NUP214: variants seen among roughly 807,000 people sequenced by gnomAD.
The protein encoded by NUP214 is nucleoporin 214, also known as nuclear pore complex protein Nup214.
Under a neutral mutation model 196.2 loss-of-function variants are expected in NUP214, and 79 were observed. The ratio of observed to expected loss-of-function variants is 0.40; its 90% confidence interval spans 0.34 to 0.49. The LOEUF (loss-of-function observed/expected upper bound fraction) is 0.49, where lower values mean the gene tolerates loss of function less well. Among genes scored for constraint, NUP214 ranks in the 20% least tolerant of loss-of-function variants. NUP214 has a pLI of 0.58. For synonymous variants in NUP214, 1,020 were observed against 990.5 expected, an observed-to-expected ratio of 1.03 and a Z score of -0.56; for missense variants, 2,468 against 2,539.0, an observed-to-expected ratio of 0.97 and a Z score of 0.60.
chr9:131,168,830 A>G (rs1388420106), intron 21 of NUP214, among the ~76,000 whole-genome samples: 1 of 150,974 alleles, frequency 6.6e-6, no homozygotes, highest in Non-Finnish European at 1.5e-5. Context: ...TATTGAAAAG[A>G]CTCTCCTCCC....
At position 131,146,353 on chromosome 9, in the gene NUP214, T is replaced by A. The variant is rs1832087141; in HGVS notation, c.1945+49T>A. ...TAGACCTCAGCCCTGCCTTCTCAGA[T>A]TAACGGTTTTAAGTGTTAAGAGTCG... On this transcript the variant is annotated intron_variant, in intron 13 of 35. Transcript: ENST00000359428. This position sits in a 1 kb window ranked among gnomAD's most constrained non-coding sequence, Gnocchi z 4.6. The A allele has an allele frequency of 6.3e-7, 1 of 1,575,914 alleles. No homozygotes were observed. The highest frequency in any genetic ancestry group is 8.7e-7 in the Non-Finnish European group (1 of 1,148,278).
In NUP214 at chr9:131,193,629, CTTTTTTTTTTTTTTTTTTTTTTT is replaced by C. The variant is rs71389402; in HGVS notation, c.3659+1348_3659+1370del. 6.4e-4 allele frequency among the ~76,000 whole-genome samples: 18 copies of C among 28,218 alleles called. No homozygotes were observed. In the South Asian group the frequency reaches 0.032, roughly 50 times the overall value. The allele number at this position is 28,218 out of a possible 152,430, so 18.5% of individuals were successfully genotyped here. ...GTGAAATGATATTCTTCTTCCTTTT[CTTTTTTTTTTTTTTTTTTTTTTT>C]TTTTTTTTTTGGATTTTCAGGCAGA... On this transcript the variant is annotated intron_variant, in intron 27 of 35. Coordinates refer to ENST00000359428, the MANE Select transcript of NUP214 (RefSeq NM_005085.4).
At position 131,230,669 on chromosome 9, in the gene NUP214, C is replaced by T. The variant is rs753356114; in HGVS notation, c.6114C>T (p.Leu2038=). 9.3e-6 allele frequency: 15 copies of T among 1,613,970 alleles called. No homozygotes were observed. The highest frequency in any genetic ancestry group is 4.4e-5 in the South Asian group (4 of 91,080). The part of the protein sequence containing the change: ...SSSNTTSFGT[L]ASQNAPTFGS... ...GCAACACCACATCCTTCGGCACGCT[C>T]GCGAGTCAGAATGCCCCCACTTTCG... is the stretch of plus-strand genomic sequence containing the variant. Residue 2038 remains leucine, a synonymous_variant, in exon 34 of 36, where the codon CTC becomes CTT. Coordinates refer to ENST00000359428, the MANE Select transcript of NUP214 (RefSeq NM_005085.4).
chr9:131,164,954 G>A (rs2133560311), intron 21 of NUP214, among the ~76,000 whole-genome samples: 1 of 152,132 alleles, frequency 6.6e-6, no homozygotes, highest in East Asian at 1.9e-4. Flanking sequence ...AATGCTTTTG[G>A]TAATCAGAAT....
In NUP214 at chr9:131,135,344, A is replaced by G. The variant is rs115923201; in HGVS notation, c.938+340A>G. ...ACTGGCTTCCCAAAGTACTGAGATT[A>G]CAGGTGTGAGCTACCGCACCCAGCC... On this transcript the variant is annotated intron_variant, in intron 8 of 35. Transcript: ENST00000359428. 6.2e-3 allele frequency: 1,446 copies of G among 235,016 alleles called. 26 individuals carry two copies. The highest frequency in any genetic ancestry group is 0.03 in the African/African-American group (1,347 of 44,384). 14.6% of individuals were successfully genotyped at this position (235,016 alleles called of 1,614,324 possible).
At chr9:131,188,584 G>T (rs911362106) in intron 25 of NUP214, among the ~76,000 whole-genome samples, 1 of 152,226 alleles carries the variant, frequency 6.6e-6, no homozygotes, top group Admixed American at 6.5e-5. Flanking sequence ...GGAGGTATTT[G>T]TGTTCACCAT....
intron 30 of NUP214, among the ~76,000 whole-genome samples, chr9:131,207,352 G>A (rs537887655): frequency 6.6e-6 from 1 of 152,338 alleles, no homozygotes; most frequent in East Asian, 1.9e-4. Context: ...TGGAAGAAGG[G>A]AAGACTGGAG....
chr9:131,230,193 C>G (rs1834837637), intron 33 of NUP214: 1 of 180,252 alleles, frequency 5.5e-6, no homozygotes, highest in African/African-American at 2.4e-5. Context: ...AATGAAATGA[C>G]TTGGAAAAAG....
chr9:131,147,105 G>T lies in NUP214; in HGVS notation c.1946-385G>T, dbSNP rs557228882. Among the ~76,000 whole-genome samples, 24 of 152,070 alleles carry T rather than the reference G, an allele frequency of 1.6e-4. No homozygotes were observed. The East Asian group carries it at 3.7e-3, about 23-fold the overall frequency. ...GGGCTCAAGCGATCTTCCCACCTTA[G>T]CCTCCTGAGTAGCTGGGACTACAGG... On this transcript the variant is annotated intron_variant, in intron 13 of 35. Transcript: ENST00000359428.
intron 21 of NUP214, among the ~76,000 whole-genome samples, chr9:131,169,356 A>C (rs571374916): frequency 8.5e-5 from 13 of 152,262 alleles, no homozygotes; most frequent in African/African-American, 3.1e-4. Flanking sequence ...TAAATTAAAT[A>C]AAATTGCAAG....
chr9:131,197,969 G>T lies in NUP214; in HGVS notation c.4475G>T (p.Ser1492Ile). 1 of 1,614,222 alleles carries T rather than the reference G, an allele frequency of 6.2e-7. No homozygotes were observed. Among genetic ancestry groups the T allele is most frequent in the Non-Finnish European group, 8.5e-7 (1 of 1,180,044 alleles). Residue 1492 changes from serine to isoleucine, a missense_variant, in exon 29 of 36, where the codon AGC becomes ATC. Physicochemically the swap from Ser to Ile is moderately radical, Grantham distance 142. This residue lies in a region of NUP214 where 1,801 missense variants were observed against 1,779.4 expected (regional missense o/e 1.01). Coordinates refer to ENST00000359428, the MANE Select transcript of NUP214 (RefSeq NM_005085.4). The stretch of plus-strand genomic sequence containing the variant: ...TCCCTGCCTATGTCCGCTGGCAGAA[G>T]CACAGAAGAGGCCACTTCATCAGCT... ...TPSLPMSAGR[S>I]TEEATSSALP... is the part of the protein sequence containing the mutation.
intron 7 of NUP214, 93 bp downstream of exon 7, chr9:131,133,302 GTGTT>G: frequency 2.0e-6 from 1 of 500,332 alleles, no homozygotes; most frequent in Non-Finnish European, 3.1e-6. Flanking sequence ...TTTTGTGTTT[GTGTT>G]TTTTTTTTTT....
intron 17 of NUP214, among the ~76,000 whole-genome samples, chr9:131,156,225 C>T (rs550640090): frequency 1.3e-4 from 19 of 150,438 alleles, no homozygotes; most frequent in South Asian, 4.2e-4. Flanking sequence ...CTCCACCTCC[C>T]GGGTTCACGC....
In NUP214 at chr9:131,229,955, C is replaced by A. The variant is rs186224579; in HGVS notation, c.6075-675C>A. 2.1e-3 allele frequency: 743 copies of A among 350,144 alleles called. 9 individuals are homozygous for A. Among genetic ancestry groups the A allele is most frequent in the African/African-American group, 0.016 (720 of 45,800 alleles). The allele number at this position is 350,144 out of a possible 1,614,324, so 21.7% of individuals were successfully genotyped here. A position where few individuals can be genotyped will look rare whatever the true frequency, so the allele number is the denominator to read the frequency against. On this transcript the variant is annotated intron_variant, in intron 33 of 35. Coordinates refer to ENST00000359428, the MANE Select transcript of NUP214 (RefSeq NM_005085.4). ...TTCCCTCACCTAGTCACCTCCAGAC[C>A]CCAGAAGCTCTCCCCAACCCAGCCG...
intron 14 of NUP214, among the ~76,000 whole-genome samples, chr9:131,149,095 T>C (rs1832173578): frequency 1.3e-5 from 2 of 152,134 alleles, no homozygotes; most frequent in South Asian, 4.1e-4. Context: ...ATTACTTGAG[T>C]GCCCTGAGAA....
chr9:131,152,434 C>T (rs1832300074), intron 17 of NUP214, among the ~76,000 whole-genome samples: 1 of 151,522 alleles, frequency 6.6e-6, no homozygotes, highest in Non-Finnish European at 1.5e-5. Flanking sequence ...AAACCTTAAG[C>T]TTAATAGAGA....
chr9:131,201,574 AAC>A lies in NUP214; in HGVS notation c.5522-71_5522-70del, dbSNP rs1554739133. On this transcript the variant is annotated intron_variant, in intron 29 of 35. Transcript: ENST00000359428. ...GCGAGACTCTGCCTCAAAAAAAAAA[AAC>A]AACAAAACTTTAATGTTGTAAAAGA... 3,949 of 1,313,096 alleles carry A rather than the reference AAC, an allele frequency of 3.0e-3. 6 individuals are homozygous for A. Among genetic ancestry groups the A allele is most frequent in the Non-Finnish European group, 3.3e-3 (3,022 of 923,404 alleles). The allele number at this position is 1,313,096 out of a possible 1,614,324, so 81.3% of individuals were successfully genotyped here.
chr9:131,181,483 CA>C (rs1480782447), intron 24 of NUP214, among the ~76,000 whole-genome samples: 1 of 152,104 alleles, frequency 6.6e-6, no homozygotes, highest in Non-Finnish European at 1.5e-5. Context: ...ACATCCTCAC[CA>C]ACACTCATTA....
intron 30 of NUP214, among the ~76,000 whole-genome samples, chr9:131,206,162 T>TTTTTTTTTTTTTTTTTTTTG (rs71372703): frequency 7.9e-6 from 1 of 126,340 alleles, no homozygotes. Flanking sequence ...TTTTTTTTTT[T>TTTTTTTTTTTTTTTTTTTTG]GAGACAGGGT....
Sources: gnomAD v4.1 joint callset for allele counts (sites outside exome capture counted in the v4.1 genomes callset) on GRCh38, gnomAD v4.1.1 for gene constraint, gnomAD v4.1.1 regional missense constraint, Gnocchi (gnomAD v3.1) non-coding constraint, MANE v1.5 for transcripts, NCBI Gene and HGNC (gene_info 2026-07-23, HGNC 2026-07-21) for gene names.